Variants in TRIML2 observed in about 807,000 individuals in gnomAD.
TRIML2 encodes the protein tripartite motif family like 2.
In TRIML2, 28 loss-of-function variants were observed where a neutral mutation model predicts 31.2. The ratio of observed to expected loss-of-function variants is 0.90; its 90% CI spans 0.66 to 1.23. The LOEUF (loss-of-function observed/expected upper bound fraction) is 1.23, where lower values mean the gene tolerates loss of function less well. Ranked by LOEUF, TRIML2 falls within the 50% of genes most tolerant of loss-of-function variation. The pLI, the probability that TRIML2 is intolerant of heterozygous loss-of-function variation, is 0.00. For synonymous variants in TRIML2, 187 were observed against 197.5 expected, an observed-to-expected ratio of 0.95 and a Z score of 0.45; for missense variants, 536 against 528.3, an observed-to-expected ratio of 1.01 and a Z score of -0.14.
intron 7 of TRIML2, 134 bp from the exon 8 acceptor site, chr4:188,092,075 G>C: frequency 2.3e-6 from 2 of 853,946 alleles, no homozygotes; most frequent in Non-Finnish European, 3.5e-6. Flanking sequence ...GGCAATTTGG[G>C]AGGGTCCAGG....
At chr4:188,099,000 G>A (rs761237524) in intron 5 of TRIML2, 35 bp downstream of exon 5, 1 of 1,612,066 alleles carries the variant, frequency 6.2e-7, no homozygotes, top group African/African-American at 1.3e-5. Flanking sequence ...TCAAATACTG[G>A]AATGAATTTT....
intron 3 of TRIML2, among the ~76,000 whole-genome samples, chr4:188,102,646 C>A (rs541111229): frequency 6.6e-6 from 1 of 151,806 alleles, no homozygotes; most frequent in Non-Finnish European, 1.5e-5. Context: ...GTCAGCAGTT[C>A]GAGACCAGCC....
chr4:188,106,085 T>A (rs1407445875), intron 1 of TRIML2: 2 of 151,950 alleles, frequency 1.3e-5, no homozygotes, highest in Non-Finnish European at 2.9e-5. Context: ...AGTCTCGCTC[T>A]GTCACCCAGG....
chr4:188,101,387 C>T (rs1733781290), intron 3 of TRIML2, 137 bp from the exon 4 acceptor site: 1 of 487,372 alleles, frequency 2.1e-6, no homozygotes, highest in Non-Finnish European at 3.4e-6. Flanking sequence ...TTCTTTCCAT[C>T]TCTAACCCCA....
chr4:188,104,758 G>T, intron 3 of TRIML2, 79 bp downstream of exon 3: 3 of 1,168,634 alleles, frequency 2.6e-6, no homozygotes, highest in Non-Finnish European at 3.8e-6. Context: ...TTTGTCTTTT[G>T]ACTTTGTTTA....
chr4:188,108,479 C>G (rs1734128368), intron 1 of TRIML2, among the ~76,000 whole-genome samples: 1 of 152,274 alleles, frequency 6.6e-6, no homozygotes, highest in East Asian at 1.9e-4. Context: ...TCCAGCTCCT[C>G]TCTGCTCAAC....
At position 188,091,302 on chromosome 4, in the gene TRIML2, C is replaced by T. The variant is rs2279548; in HGVS notation, c.*71G>A. 0.093 allele frequency: 135,803 copies of T among 1,463,248 alleles called. 13,242 individuals are homozygous for T. The highest frequency in any genetic ancestry group is 0.57 in the East Asian group (24,797 of 43,680). The allele number at this position is 1,463,248 out of a possible 1,614,324, so 90.6% of individuals were successfully genotyped here. On this transcript the variant is annotated 3_prime_UTR_variant, in exon 8 of 8. Transcript: ENST00000682553. Reference sequence around the variant, plus strand: ...GAACGCTTTTTATTGGGTTAGTTTACACAAATTCTTTCAAAGTCTTGTTCT... The same window carrying T: ...GAACGCTTTTTATTGGGTTAGTTTATACAAATTCTTTCAAAGTCTTGTTCT...
At chr4:188,106,818 G>A (rs1734063066) in intron 1 of TRIML2, 2 of 246,790 alleles carry the variant, frequency 8.1e-6, no homozygotes. Context: ...TGCTAAGGTG[G>A]CCAAGCGAGA....
At chr4:188,096,963 G>T (rs12500011) in intron 7 of TRIML2, 98 bp downstream of exon 7, 88,937 of 977,052 alleles carry the variant, frequency 0.091, 8,945 homozygotes, top group East Asian at 0.52. Flanking sequence ...GCCTAAAATT[G>T]TTAAACTACT....
At chr4:188,092,243 C>A (rs1220890643) in intron 7 of TRIML2, among the ~76,000 whole-genome samples, 1 of 151,940 alleles carries the variant, frequency 6.6e-6, no homozygotes, top group East Asian at 1.9e-4. Context: ...CGGTGGCTCA[C>A]GAGGTCAGGA....
In TRIML2 at chr4:188,091,882, T is replaced by A. The variant is rs1733277797; in HGVS notation, c.805A>T (p.Arg269Ter). 1.2e-6 allele frequency: 2 copies of A among 1,613,842 alleles called. No individual in the cohort carries two copies. Among genetic ancestry groups the A allele is most frequent in the South Asian group, 2.2e-5 (2 of 91,088 alleles). The stretch of plus-strand genomic sequence containing the variant: ...TGCCCATGTCTCAATCTCATAGTTC[T>A]CAGGTCCTCAGATAGTGCCAGGCAG... ...HPCLALSEDL[R>*]TMRLRHGQQD... The change falls in exon 8 of 8, where the codon AGA becomes TGA. Residue 269 changes from arginine to a stop codon, truncating the protein, a stop_gained. Transcript: ENST00000682553. LOFTEE classifies it low-confidence loss of function (END_TRUNC).
At position 188,091,486 on chromosome 4, in the gene TRIML2, G is replaced by A; in HGVS notation, c.1201C>T (p.Gln401Ter). Residue 401 changes from glutamine (Q) to a stop codon, truncating the protein, a stop_gained, in exon 8 of 8, where the codon CAA (glutamine) becomes TAA (stop). Transcript: ENST00000682553. LOFTEE classifies it low-confidence loss of function (END_TRUNC). Reference sequence around the variant, plus strand: ...GAAAACACAGGCCTGAGAGCTCCTTGGAAGGCGCAATGGGAGAAATTGTAA... The same window carrying A: ...GAAAACACAGGCCTGAGAGCTCCTTAGAAGGCGCAATGGGAGAAATTGTAA... ...LIYNFSHCAF[Q>*]GALRPVFSLC... is the part of the protein sequence containing the mutation. 1 of 1,614,134 alleles carries A rather than the reference G, an allele frequency of 6.2e-7. No individual in the cohort carries two copies. The highest frequency in any genetic ancestry group is 8.5e-7 in the Non-Finnish European group (1 of 1,180,026).
chr4:188,098,365 C>A, intron 5 of TRIML2: 1 of 348,574 alleles, frequency 2.9e-6, no homozygotes, highest in South Asian at 2.1e-5. Context: ...GTGAGGTCTT[C>A]CTCGGCCTCT....
chr4:188,102,593 G>T (rs1019205535), intron 3 of TRIML2, among the ~76,000 whole-genome samples: 2 of 152,048 alleles, frequency 1.3e-5, no homozygotes, highest in Non-Finnish European at 1.5e-5. Context: ...GCTCACGTCT[G>T]TAATCCCAGC....
At chr4:188,107,032 T>G (rs557786250) in intron 1 of TRIML2, 86 of 118,690 alleles carry the variant, frequency 7.2e-4, no homozygotes, top group Non-Finnish European at 1.3e-3. Context: ...TATTTATTTA[T>G]TTTTGAGACC....
At chr4:188,108,464 C>A (rs1359027229) in intron 1 of TRIML2, among the ~76,000 whole-genome samples, 4 of 152,148 alleles carry the variant, frequency 2.6e-5, no homozygotes. Context: ...CCCTCCTCGT[C>A]CATCTCCAGC....
intron 7 of TRIML2, among the ~76,000 whole-genome samples, chr4:188,093,303 A>G (rs1363296010): frequency 6.6e-6 from 1 of 152,218 alleles, no homozygotes; most frequent in African/African-American, 2.4e-5. Context: ...ACACGTCTTG[A>G]ATTTTTAAAA....
chr4:188,094,587 T>A (rs28796868), intron 7 of TRIML2, among the ~76,000 whole-genome samples: 7,631 of 152,234 alleles, frequency 0.05, 358 homozygotes, highest in African/African-American at 0.12. Context: ...CAAATACATA[T>A]AACATTTTAT....
intron 3 of TRIML2, among the ~76,000 whole-genome samples, chr4:188,103,190 C>A (rs1257069923): frequency 1.3e-5 from 2 of 151,592 alleles, no homozygotes; most frequent in South Asian, 2.1e-4. Flanking sequence ...TTAGTAGAGA[C>A]GGGGTTTCAC....
Sources: gnomAD v4.1 joint callset for allele counts (sites outside exome capture counted in the v4.1 genomes callset) on GRCh38, gnomAD v4.1.1 for gene constraint, MANE v1.5 for transcripts, NCBI Gene and HGNC (gene_info 2026-07-23, HGNC 2026-07-21) for gene names.